TOR1B: variants seen among roughly 807,000 people sequenced by gnomAD.
TOR1B encodes torsin family 1 member B, also known as torsin-1B.
In TOR1B, 14 loss-of-function variants were observed where a neutral mutation model predicts 29.2. That is an observed-to-expected ratio of 0.48 (90% CI 0.32 to 0.75). The LOEUF is 0.75. Ranked by LOEUF, TOR1B falls within the 30% of genes least tolerant of loss-of-function variation. TOR1B has a pLI of 0.04. For missense variants in TOR1B, 400 were observed against 433.9 expected, an observed-to-expected ratio of 0.92 and a Z score of 0.69; for synonymous variants, 166 against 179.8, an observed-to-expected ratio of 0.92 and a Z score of 0.62.
At chr9:129,805,093 G>A (rs1391444020) in intron 2 of TOR1B, among the ~76,000 whole-genome samples, 6 of 150,282 alleles carry the variant, frequency 4.0e-5, no homozygotes, top group Admixed American at 3.3e-4. Flanking sequence ...AGCCGAGATC[G>A]CGCCACTGCA....
In TOR1B at chr9:129,810,465, T is replaced by C. The variant is rs913925791; in HGVS notation, c.*882T>C. On this transcript the variant is annotated 3_prime_UTR_variant, in exon 5 of 5. Transcript: ENST00000259339. ...GCCCTGGCTGTGGAATCCTTCACCG[T>C]CTCAGCTGGTATCAGCCCCAGCCTG... 1.5e-5 allele frequency: 17 copies of C among 1,159,196 alleles called. No homozygotes were observed. Among genetic ancestry groups the C allele is most frequent in the Non-Finnish European group, 1.9e-5 (17 of 918,196 alleles). 71.8% of individuals were successfully genotyped at this position (1,159,196 alleles called of 1,614,324 possible).
In TOR1B at chr9:129,809,622, C is replaced by G; in HGVS notation, c.*39C>G. The G allele has an allele frequency of 6.2e-7, 1 of 1,611,432 alleles. No individual in the cohort carries two copies. On this transcript the variant is annotated 3_prime_UTR_variant, in exon 5 of 5. Transcript: ENST00000259339. ...TGGGGTAGGAGACAGCTGGGAGGCT[C>G]CGCACGCCAGAGGCCTTGCCTTTCA...
chr9:129,806,152 G>A (rs895797768), intron 2 of TOR1B, among the ~76,000 whole-genome samples: 11 of 152,016 alleles, frequency 7.2e-5, no homozygotes, highest in Admixed American at 2.6e-4. Context: ...CTCCTGTTAG[G>A]TGGGGACTGA....
intron 1 of TOR1B, among the ~76,000 whole-genome samples, 162 bp from the exon 2 acceptor site, chr9:129,803,911 G>A (rs2030312770): frequency 6.6e-6 from 1 of 152,162 alleles, no homozygotes; most frequent in South Asian, 2.1e-4. Flanking sequence ...ACATAATCTT[G>A]AAAGTGGCAT....
rs200600696 is a variant in TOR1B at position 129,810,344 on chromosome 9, T to TGGGG, written c.*762_*763insGGGG. The stretch of plus-strand genomic sequence containing the variant: ...CTTGATCTGAGCTGACCTGTGTGTG[T>TGGGG]GTGTGTGGGGGGGTGGGGCCTTCAC... On this transcript the variant is annotated 3_prime_UTR_variant, in exon 5 of 5. Coordinates refer to ENST00000259339, the MANE Select transcript of TOR1B (RefSeq NM_014506.3). 50 of 901,838 alleles carry TGGGG rather than the reference T, an allele frequency of 5.5e-5. 1 individual carries two copies. The African/African-American group carries it at 1.1e-3, about 19-fold the overall frequency. 55.9% of individuals were successfully genotyped at this position (901,838 alleles called of 1,614,324 possible).
chr9:129,810,849 T>G lies in TOR1B; in HGVS notation c.*1266T>G, dbSNP rs1181049904. ...TAAAACAATTTTTTATTGTTAAATTTGTGGTAATACATGGTCACAACCGTG... is the reference window on the plus strand; with the variant it reads ...TAAAACAATTTTTTATTGTTAAATTGGTGGTAATACATGGTCACAACCGTG... On this transcript the variant is annotated 3_prime_UTR_variant, in exon 5 of 5. Coordinates refer to ENST00000259339, the MANE Select transcript of TOR1B (RefSeq NM_014506.3). 6.5e-6 allele frequency: 1 copy of G among 153,616 alleles called. No homozygotes were observed. The highest frequency in any genetic ancestry group is 2.4e-5 in the African/African-American group (1 of 41,452). 9.5% of individuals were successfully genotyped at this position (153,616 alleles called of 1,614,324 possible).
chr9:129,804,421 TCTTTC>T, intron 2 of TOR1B, 83 bp downstream of exon 2: 1 of 1,544,740 alleles, frequency 6.5e-7, no homozygotes, highest in South Asian at 1.2e-5. Flanking sequence ...CCTCTGCTTC[TCTTTC>T]CTTTGTGTTG....
chr9:129,803,416 G>T lies in TOR1B; in HGVS notation c.199+5G>T, dbSNP rs776640472. Reference sequence around the variant, plus strand: ...AGCGGCCGCTCAACGCTTCGGGTACGGCGCGCGCGCGAGCTGTGGGTCGGC... The same window carrying T: ...AGCGGCCGCTCAACGCTTCGGGTACTGCGCGCGCGCGAGCTGTGGGTCGGC... On this transcript the variant is annotated splice_donor_5th_base_variant and intron_variant, in intron 1 of 4. Transcript: ENST00000259339. The T allele has an allele frequency of 4.9e-5, 75 of 1,518,264 alleles. No individual in the cohort carries two copies. The highest frequency in any genetic ancestry group is 6.3e-5 in the Non-Finnish European group (72 of 1,136,540). 94.0% of individuals were successfully genotyped at this position (1,518,264 alleles called of 1,614,324 possible).
rs771373560 is a variant in TOR1B at position 129,809,395 on chromosome 9, C to T, written c.823C>T (p.Pro275Ser). 1 of 1,614,184 alleles carries T rather than the reference C, an allele frequency of 6.2e-7. No individual in the cohort carries two copies. The highest frequency in any genetic ancestry group is 8.5e-7 in the Non-Finnish European group (1 of 1,180,034). The change falls in exon 5 of 5, where the codon CCC (proline) becomes TCC (serine). Residue 275 changes from proline (P) to serine (S), a missense_variant. Coordinates refer to ENST00000259339, the MANE Select transcript of TOR1B (RefSeq NM_014506.3). ...IDKNLIDYFI[P>S]FLPLEYRHVK... is the part of the protein sequence containing the mutation. ...CAAAAACCTCATTGATTACTTTATC[C>T]CCTTCCTGCCTTTGGAGTACAGACA...
intron 1 of TOR1B, 43 bp downstream of exon 1, chr9:129,803,454 GC>G (rs2030285549): frequency 8.5e-7 from 1 of 1,170,504 alleles, no homozygotes; most frequent in Non-Finnish European, 1.0e-6. Flanking sequence ...TGCGGGGGGC[GC>G]GGGGGCGCGG....
In TOR1B at chr9:129,810,357, GT is replaced by G; in HGVS notation, c.*775del. 1 of 1,026,448 alleles carries G rather than the reference GT, an allele frequency of 9.7e-7. No homozygotes were observed. The highest frequency in any genetic ancestry group is 1.5e-5 in the South Asian group (1 of 64,526). 63.6% of individuals were successfully genotyped at this position (1,026,448 alleles called of 1,614,324 possible). ...GACCTGTGTGTGTGTGTGTGGGGGG[GT>G]GGGGCCTTCACCTAAGACCTCTGCA... On this transcript the variant is annotated 3_prime_UTR_variant, in exon 5 of 5. Transcript: ENST00000259339.
At position 129,811,202 on chromosome 9, in the gene TOR1B, A is replaced by G. The variant is rs901561279; in HGVS notation, c.*1619A>G. 3 of 152,124 alleles carry G rather than the reference A, an allele frequency of 2.0e-5. No individual in the cohort carries two copies. The highest frequency in any genetic ancestry group is 2.0e-4 in the Admixed American group (3 of 15,258). The allele number at this position is 152,124 out of a possible 1,614,324, so 9.4% of individuals were successfully genotyped here. A position where few individuals can be genotyped will look rare whatever the true frequency, so the allele number is the denominator to read the frequency against. On this transcript the variant is annotated 3_prime_UTR_variant, in exon 5 of 5. Transcript: ENST00000259339. Reference sequence around the variant, plus strand: ...ATTGGAGCTAAGTTATACTTCTTTTATAACCTTTTGGGCATCTGGTCGAGA... The same window carrying G: ...ATTGGAGCTAAGTTATACTTCTTTTGTAACCTTTTGGGCATCTGGTCGAGA...
In TOR1B at chr9:129,809,496, A is replaced by C. The variant is rs781690942; in HGVS notation, c.924A>C (p.Ala308=). 1 of 1,614,210 alleles carries C rather than the reference A, an allele frequency of 6.2e-7. No homozygotes were observed. Among genetic ancestry groups the C allele is most frequent in the South Asian group, 1.1e-5 (1 of 91,086 alleles). The part of the protein sequence containing the change: ...AIDEDIVTRV[A]EEMTFFPRDE... ...ATGAAGACATTGTCACAAGAGTGGC[A>C]GAGGAAATGACGTTTTTCCCCAGAG... The change falls in exon 5 of 5, where the codon GCA becomes GCC. Residue 308 remains alanine (A), a synonymous_variant. Coordinates refer to ENST00000259339, the MANE Select transcript of TOR1B (RefSeq NM_014506.3).
chr9:129,807,450 T>A, intron 3 of TOR1B, 87 bp downstream of exon 3: 1 of 1,529,582 alleles, frequency 6.5e-7, no homozygotes, highest in South Asian at 1.2e-5. Context: ...AGCACTTTGT[T>A]TACCAGGACG....
chr9:129,808,757 G>C (rs2030652018), intron 3 of TOR1B, 148 bp from the exon 4 acceptor site: 1 of 837,120 alleles, frequency 1.2e-6, no homozygotes, highest in Non-Finnish European at 1.9e-6. Context: ...ACTCTATGTT[G>C]GTCAGGCTGG....
At chr9:129,804,487 C>A in intron 2 of TOR1B, 149 bp downstream of exon 2, 1 of 950,290 alleles carries the variant, frequency 1.1e-6, no homozygotes, top group Non-Finnish European at 1.6e-6. Context: ...CAGGTAGTTA[C>A]AAAGCTCTCC....
In TOR1B at chr9:129,809,595, G is replaced by A. The variant is rs749719628; in HGVS notation, c.*12G>A. 1.9e-6 allele frequency: 3 copies of A among 1,614,148 alleles called. No homozygotes were observed. Among genetic ancestry groups the A allele is most frequent in the Non-Finnish European group, 2.5e-6 (3 of 1,179,984 alleles). On this transcript the variant is annotated 3_prime_UTR_variant, in exon 5 of 5. Transcript: ENST00000259339. ...TGGATTTCCACTGAGCTCCTATCCA[G>A]ATGGGGTAGGAGACAGCTGGGAGGC... is the stretch of plus-strand genomic sequence containing the variant.
chr9:129,809,270 G>A, intron 4 of TOR1B, 72 bp from the exon 5 acceptor site: 1 of 1,603,268 alleles, frequency 6.2e-7, no homozygotes, highest in Non-Finnish European at 8.5e-7. Flanking sequence ...TGAGGAATGT[G>A]CTGAGGGTCG....
intron 3 of TOR1B, among the ~76,000 whole-genome samples, chr9:129,807,937 C>A (rs1012550792): frequency 1.3e-5 from 2 of 151,558 alleles, no homozygotes; most frequent in African/African-American, 4.9e-5. Flanking sequence ...CTGGGGAAGT[C>A]GAGGCAGGAG....
Sources: gnomAD v4.1 joint callset for allele counts (sites outside exome capture counted in the v4.1 genomes callset) on GRCh38, gnomAD v4.1.1 for gene constraint, MANE v1.5 for transcripts, NCBI Gene and HGNC (gene_info 2026-07-23, HGNC 2026-07-21) for gene names.